Variants in HFM1 observed in about 807,000 individuals in gnomAD.
HFM1 encodes probable ATP-dependent DNA helicase HFM1.
HFM1 carries 169 observed loss-of-function variants against 192.1 expected under a neutral mutation model. The ratio of observed to expected loss-of-function variants is 0.88; its 90% CI spans 0.78 to 1.00. HFM1 has a LOEUF of 1.00. HFM1 is among the 50% of genes least tolerant of loss of function. The pLI, the probability that HFM1 is intolerant of heterozygous loss-of-function variation, is 0.00. For missense variants in HFM1, 1,661 were observed against 1,668.0 expected (o/e 1.00, Z 0.07); for synonymous variants, 525 against 537.8 (o/e 0.98, Z 0.33).
At position 91,375,561 on chromosome 1, in the gene HFM1, A is replaced by G. The variant is rs1660808103; in HGVS notation, c.1562T>C (p.Ile521Thr). 2.5e-6 allele frequency: 4 copies of G among 1,613,494 alleles called. No individual in the cohort carries two copies. The highest frequency in any genetic ancestry group is 2.2e-5 in the East Asian group (1 of 44,852). ...LTLNYKIASV[I>T]QMYSDQKPTL... ...GGGTTTCTGATCAGAGTACATTTGT[A>G]TAACACTGGCAATTTTGTAGTTGAG... Residue 521 changes from isoleucine to threonine, a missense_variant, in exon 12 of 39, where the codon ATA (isoleucine) becomes ACA (threonine). Transcript: ENST00000370425.
intron 30 of HFM1, among the ~76,000 whole-genome samples, chr1:91,288,837 C>T (rs551795945): frequency 7.9e-5 from 12 of 152,366 alleles, no homozygotes; most frequent in African/African-American, 2.9e-4. Flanking sequence ...TCCCCCTTTT[C>T]TATTCAACAA....
At chr1:91,325,701 A>G (rs1011707518) in intron 20 of HFM1, among the ~76,000 whole-genome samples, 1 of 152,186 alleles carries the variant, frequency 6.6e-6, no homozygotes, top group African/African-American at 2.4e-5. Context: ...CTAGCTGCTG[A>G]ATGCTCAGAC....
chr1:91,287,137 C>T (rs998356918), intron 30 of HFM1, among the ~76,000 whole-genome samples: 5 of 152,246 alleles, frequency 3.3e-5, no homozygotes, highest in Non-Finnish European at 7.3e-5. Context: ...AGCCGGGAAG[C>T]TCGAACTGGG....
intron 13 of HFM1, among the ~76,000 whole-genome samples, chr1:91,356,591 G>C (rs1049015465): frequency 1.5e-4 from 23 of 151,254 alleles, no homozygotes; most frequent in Non-Finnish European, 3.2e-4. Context: ...GCAGAAGAAA[G>C]GAAATAATAA....
intron 13 of HFM1, among the ~76,000 whole-genome samples, chr1:91,365,822 A>G (rs1186233576): frequency 6.6e-6 from 1 of 152,144 alleles, no homozygotes; most frequent in Non-Finnish European, 1.5e-5. Context: ...TCATAGAAAC[A>G]TGGTGAGATG....
chr1:91,316,231 C>A, intron 26 of HFM1, 47 bp from the exon 27 acceptor site: 1 of 1,217,236 alleles, frequency 8.2e-7, no homozygotes, highest in Non-Finnish European at 1.2e-6. Context: ...ACTTGAAATT[C>A]TTTTAGTAAA....
chr1:91,332,383 G>C (rs1038882781), intron 20 of HFM1, among the ~76,000 whole-genome samples: 1 of 152,116 alleles, frequency 6.6e-6, no homozygotes, highest in Non-Finnish European at 1.5e-5. Flanking sequence ...ATGGTGCTGA[G>C]AAAACTGGAT....
At chr1:91,287,073 G>A (rs949903170) in intron 30 of HFM1, among the ~76,000 whole-genome samples, 12 of 152,094 alleles carry the variant, frequency 7.9e-5, no homozygotes, top group East Asian at 1.9e-4. Context: ...AGGCGGCAGC[G>A]AGGCTGGGGG....
At chr1:91,390,085 T>C (rs759582675) in intron 4 of HFM1, among the ~76,000 whole-genome samples, 1 of 152,170 alleles carries the variant, frequency 6.6e-6, no homozygotes, top group African/African-American at 2.4e-5. Flanking sequence ...CATCAACTGA[T>C]AAGTAAATAA....
intron 13 of HFM1, among the ~76,000 whole-genome samples, chr1:91,374,482 G>A (rs1557481023): frequency 6.6e-6 from 1 of 152,176 alleles, no homozygotes; most frequent in East Asian, 1.9e-4. Context: ...AATTAGGGAA[G>A]TGGCAGTGTT....
chr1:91,342,783 T>C (rs1316146912), intron 20 of HFM1, among the ~76,000 whole-genome samples: 1 of 152,166 alleles, frequency 6.6e-6, no homozygotes, highest in Non-Finnish European at 1.5e-5. Context: ...CACCAGATTA[T>C]CAATGGTTGA....
At position 91,379,067 on chromosome 1, in the gene HFM1, G is replaced by C. The variant is rs747699966; in HGVS notation, c.1154C>G (p.Thr385Ser). 1 of 1,547,108 alleles carries C rather than the reference G, an allele frequency of 6.5e-7. No homozygotes were observed. The highest frequency in any genetic ancestry group is 8.7e-7 in the Non-Finnish European group (1 of 1,144,886). Residue 385 changes from threonine (T) to serine (S), a missense_variant, in exon 9 of 39, where the codon ACT becomes AGT. Coordinates refer to ENST00000370425, the MANE Select transcript of HFM1 (RefSeq NM_001017975.6). ...EIQHAHIIMT[T>S]PEKWDSMTRK... Reference sequence around the variant, plus strand: ...TAAAGTATAAATAATACCTACTGGAGTTGTCATAATAATATGGGCATGCTG... The same window carrying C: ...TAAAGTATAAATAATACCTACTGGACTTGTCATAATAATATGGGCATGCTG...
chr1:91,278,363 G>A (rs1557768235), intron 30 of HFM1, among the ~76,000 whole-genome samples: 1 of 152,076 alleles, frequency 6.6e-6, no homozygotes, highest in Non-Finnish European at 1.5e-5. Context: ...GTAGCACGGG[G>A]AAGGAGAGAG....
chr1:91,358,306 A>G (rs550875808), intron 13 of HFM1, among the ~76,000 whole-genome samples: 20 of 152,242 alleles, frequency 1.3e-4, no homozygotes, highest in Admixed American at 3.3e-4. Context: ...TTTTTTCATA[A>G]AATTAGTATG....
intron 30 of HFM1, among the ~76,000 whole-genome samples, chr1:91,291,859 C>T (rs1668803281): frequency 6.6e-6 from 1 of 152,242 alleles, no homozygotes; most frequent in South Asian, 2.1e-4. Context: ...CCACCATGAT[C>T]AAGTGGGCTT....
At chr1:91,328,320 T>C (rs281972) in intron 20 of HFM1, 1,472,256 of 1,472,574 alleles carry the variant, frequency 1, 735,969 homozygotes, top group East Asian at 1. Context: ...CAACCCTGAA[T>C]CAAGCTTTAG....
chr1:91,302,048 T>C (rs1648852282), intron 30 of HFM1, among the ~76,000 whole-genome samples: 2 of 134,814 alleles, frequency 1.5e-5, no homozygotes, highest in East Asian at 2.2e-4. Context: ...AGGGCTAATA[T>C]CCAGAATCTA....
chr1:91,407,160 A>G (rs894746216), upstream of HFM1, among the ~76,000 whole-genome samples: 1 of 151,862 alleles, frequency 6.6e-6, no homozygotes, highest in Admixed American at 6.6e-5. Context: ...CCAACAAGAA[A>G]TTTGTGCCCA....
At chr1:91,328,975 A>G in intron 20 of HFM1, 2 of 1,612,692 alleles carry the variant, frequency 1.2e-6, no homozygotes, top group East Asian at 4.5e-5. Context: ...CTGCCAGTGA[A>G]GCCAAAAAGC....
Sources: allele counts gnomAD v4.1 joint callset (sites outside exome capture counted in the v4.1 genomes callset), GRCh38; gene constraint gnomAD v4.1.1; transcripts MANE v1.5; gene names NCBI Gene and HGNC (gene_info 2026-07-23, HGNC 2026-07-21).